KCNH8: variants seen among roughly 807,000 people sequenced by gnomAD.
KCNH8 encodes potassium voltage-gated channel subfamily H member 8.
KCNH8 carries 70 observed loss-of-function variants against 103.6 expected under a neutral mutation model. That is an observed-to-expected ratio of 0.68 (90% CI 0.56 to 0.82). KCNH8 has a LOEUF of 0.82. KCNH8 is among the 40% of genes least tolerant of loss of function. The pLI is 0.00. For missense variants in KCNH8, 1,217 were observed against 1,329.9 expected (o/e 0.92, Z 1.32); for synonymous variants, 498 against 489.4 (o/e 1.02, Z -0.23).
intron 2 of KCNH8, among the ~76,000 whole-genome samples, chr3:19,278,458 G>GAAGGA (rs1462870452): frequency 8.0e-6 from 1 of 125,036 alleles, no homozygotes; most frequent in Non-Finnish European, 1.7e-5. Flanking sequence ...AGGCAGGAAG[G>GAAGGA]AAGGAAAGGG....
chr3:19,349,114 T>C (rs1348678270), intron 5 of KCNH8, among the ~76,000 whole-genome samples: 2 of 151,980 alleles, frequency 1.3e-5, no homozygotes, highest in African/African-American at 4.8e-5. Context: ...AGCTATAGTG[T>C]GTTTAGGCCA....
chr3:19,328,246 G>A (rs2065458393), intron 3 of KCNH8, among the ~76,000 whole-genome samples: 1 of 151,976 alleles, frequency 6.6e-6, no homozygotes, highest in Non-Finnish European at 1.5e-5. Flanking sequence ...CTAAGCCTTG[G>A]CTCATACTTT....
At chr3:19,282,012 G>A (rs375552444) in intron 3 of KCNH8, among the ~76,000 whole-genome samples, 2 of 152,012 alleles carry the variant, frequency 1.3e-5, no homozygotes, top group East Asian at 3.8e-4. Flanking sequence ...AACCAAAGTA[G>A]GATTCTAGTC....
Position 19,534,645 on chromosome 3 carries a change from A to T in KCNH8, c.*546A>T, listed in dbSNP as rs2069236271. On this transcript the variant is annotated 3_prime_UTR_variant, in exon 16 of 16. Transcript: ENST00000328405. Reference sequence around the variant, plus strand: ...GCTATTCGCACGTTATTTGCCATGTAAATGAAAACGTCTTTATTTATCAAA... The same window carrying T: ...GCTATTCGCACGTTATTTGCCATGTTAATGAAAACGTCTTTATTTATCAAA... The T allele has an allele frequency of 6.5e-6, 1 of 152,792 alleles. No individual in the cohort carries two copies. Among genetic ancestry groups the T allele is most frequent in the Non-Finnish European group, 1.5e-5 (1 of 68,128 alleles). 9.5% of individuals were successfully genotyped at this position (152,792 alleles called of 1,614,324 possible).
intron 11 of KCNH8, among the ~76,000 whole-genome samples, chr3:19,486,158 T>G (rs1193756314): frequency 6.6e-6 from 1 of 152,230 alleles, no homozygotes; most frequent in Non-Finnish European, 1.5e-5. Context: ...ACTCCCAGTC[T>G]ACTGAGATGC....
chr3:19,475,032 C>T (rs765656149), intron 11 of KCNH8, among the ~76,000 whole-genome samples: 1 of 152,090 alleles, frequency 6.6e-6, no homozygotes, highest in Non-Finnish European at 1.5e-5. Context: ...ATTGTTCCTC[C>T]AAAGAATCTA....
intron 3 of KCNH8, among the ~76,000 whole-genome samples, chr3:19,290,869 G>T (rs1358588457): frequency 6.6e-6 from 1 of 151,546 alleles, no homozygotes; most frequent in Non-Finnish European, 1.5e-5. Context: ...TATGAATCTG[G>T]TCCTGGACTT....
At chr3:19,448,950 A>G (rs2067402410) in intron 8 of KCNH8, 1 of 1,284,796 alleles carries the variant, frequency 7.8e-7, no homozygotes, top group Non-Finnish European at 1.0e-6. Flanking sequence ...AGGTGTGTCC[A>G]AGGCCTTCTT....
intron 3 of KCNH8, among the ~76,000 whole-genome samples, chr3:19,324,530 G>A (rs931722881): frequency 6.6e-6 from 1 of 152,136 alleles, no homozygotes; most frequent in Non-Finnish European, 1.5e-5. Flanking sequence ...TACAACTGGA[G>A]ATGAGATTTG....
intron 1 of KCNH8, among the ~76,000 whole-genome samples, chr3:19,166,424 A>C (rs1323308031): frequency 6.6e-6 from 1 of 152,236 alleles, no homozygotes. Context: ...TGCTTTGCAC[A>C]GTCAGCCTAC....
rs1422126562 is a variant in KCNH8 at position 19,513,074 on chromosome 3, T to C, written c.2184T>C (p.Ser728=). Residue 728 remains serine (S), a synonymous_variant, in exon 13 of 16, where the codon TCT becomes TCC. Transcript: ENST00000328405. The part of the protein sequence containing the change: ...EGEEEEAVSL[S]PICTRGSSSR... ...AGGAAGAGGAGGCAGTCTCCCTCTC[T>C]CCCATCTGCACAAGGGGATCTTCTT... The C allele has an allele frequency of 2.5e-6, 4 of 1,613,752 alleles. No homozygotes were observed. Among genetic ancestry groups the C allele is most frequent in the Non-Finnish European group, 3.4e-6 (4 of 1,179,908 alleles).
chr3:19,189,600 T>A lies in KCNH8; in HGVS notation c.76+40805T>A, dbSNP rs573864323. Among the ~76,000 whole-genome samples, 12 of 152,140 alleles carry A rather than the reference T, an allele frequency of 7.9e-5. No homozygotes were observed. The South Asian group carries it at 2.5e-3, about 31-fold the overall frequency. ...TCATTTAATATTCAGAAATATGTGA[T>A]TCATATTTAGTAACCAAAATTTAGA... On this transcript the variant is annotated intron_variant, in intron 1 of 15. Transcript: ENST00000328405.
chr3:19,248,061 A>T (rs2064228235), intron 1 of KCNH8, among the ~76,000 whole-genome samples: 1 of 152,192 alleles, frequency 6.6e-6, no homozygotes, highest in Admixed American at 6.5e-5. Context: ...ACAGGCCCAT[A>T]TCAAAACAAA....
intron 1 of KCNH8, among the ~76,000 whole-genome samples, chr3:19,219,384 G>A (rs2063849125): frequency 6.6e-6 from 1 of 151,888 alleles, no homozygotes; most frequent in South Asian, 2.1e-4. Context: ...TTTGTCTTCT[G>A]ACCCTGACAC....
chr3:19,285,748 C>T (rs1254960936), intron 3 of KCNH8, among the ~76,000 whole-genome samples: 1 of 151,714 alleles, frequency 6.6e-6, no homozygotes, highest in African/African-American at 2.4e-5. Context: ...TCATGCAGCC[C>T]AACCTCAGAG....
intron 5 of KCNH8, among the ~76,000 whole-genome samples, chr3:19,380,550 A>G (rs922115361): frequency 2.0e-5 from 3 of 152,346 alleles, no homozygotes; most frequent in South Asian, 2.1e-4. Context: ...TCAAACTACC[A>G]CAGTGAAATT....
At chr3:19,354,319 A>C (rs570891345) in intron 5 of KCNH8, among the ~76,000 whole-genome samples, 21 of 152,200 alleles carry the variant, frequency 1.4e-4, no homozygotes, top group African/African-American at 5.1e-4. Flanking sequence ...GGTAATTTAT[A>C]GACTCAATGC....
chr3:19,263,267 C>G (rs1170637047), intron 2 of KCNH8, among the ~76,000 whole-genome samples: 1 of 152,036 alleles, frequency 6.6e-6, no homozygotes, highest in East Asian at 1.9e-4. Flanking sequence ...CATATTTTTA[C>G]TCACTGGGTT....
chr3:19,239,677 TCTATCTAC>T (rs1257208748), intron 1 of KCNH8, among the ~76,000 whole-genome samples: 8 of 145,700 alleles, frequency 5.5e-5, no homozygotes, highest in Non-Finnish European at 1.1e-4. Context: ...TATCTATCTA[TCTATCTAC>T]CTACCTACCT....
Sources: allele counts gnomAD v4.1 joint callset (sites outside exome capture counted in the v4.1 genomes callset), GRCh38; gene constraint gnomAD v4.1.1; transcripts MANE v1.5; gene names NCBI Gene and HGNC (gene_info 2026-07-23, HGNC 2026-07-21).